NOX4: variants seen among roughly 807,000 people sequenced by gnomAD.
NOX4 encodes kidney oxidase-1.
In NOX4, 69 loss-of-function variants were observed where a neutral mutation model predicts 87.6. The observed-to-expected ratio is 0.79, with a 90% CI of 0.65 to 0.96. The LOEUF (loss-of-function observed/expected upper bound fraction) is 0.96, where lower values mean the gene tolerates loss of function less well. Among genes scored for constraint, NOX4 ranks in the 40% least tolerant of loss-of-function variants. NOX4 has a pLI of 0.00. For synonymous variants in NOX4, 275 were observed against 238.2 expected (o/e 1.15, Z -1.42); for missense variants, 680 against 681.5 (o/e 1.00, Z 0.02).
At chr11:89,364,873 G>A (rs527809985) in intron 12 of NOX4, among the ~76,000 whole-genome samples, 2 of 152,116 alleles carry the variant, frequency 1.3e-5, no homozygotes, top group African/African-American at 4.8e-5. Flanking sequence ...TGTAGACAAG[G>A]AAACTAAAAA....
chr11:89,477,080 A>T (rs1015928798), intron 2 of NOX4, among the ~76,000 whole-genome samples: 8 of 152,116 alleles, frequency 5.3e-5, no homozygotes, highest in African/African-American at 1.9e-4. Flanking sequence ...TGGTTTTGGG[A>T]TGATTCAACT....
At chr11:89,528,386 T>C in the NOX4 span, among the ~76,000 whole-genome samples, 3 of 152,294 alleles carry the variant, frequency 2.0e-5, no homozygotes, top group Non-Finnish European at 1.5e-5. Flanking sequence ...GGTTCTGAAA[T>C]GTGAAATGAA....
the NOX4 span, among the ~76,000 whole-genome samples, chr11:89,530,752 G>T: frequency 6.6e-6 from 1 of 151,988 alleles, no homozygotes; most frequent in Admixed American, 6.6e-5. Flanking sequence ...ATTGATCTAG[G>T]GGTAGGTTCC....
chr11:89,449,151 C>T (rs16913263), intron 4 of NOX4, among the ~76,000 whole-genome samples: 3,365 of 152,182 alleles, frequency 0.022, 131 homozygotes, highest in African/African-American at 0.077. Flanking sequence ...TAAGAAAATC[C>T]TAAGTTGCTG....
chr11:89,471,048 G>A (rs1308406011), intron 2 of NOX4, among the ~76,000 whole-genome samples: 1 of 152,056 alleles, frequency 6.6e-6, no homozygotes, highest in Non-Finnish European at 1.5e-5. Flanking sequence ...CTCTGTAAGG[G>A]CTTGCTAGGG....
intron 8 of NOX4, among the ~76,000 whole-genome samples, chr11:89,406,991 G>T (rs759933969): frequency 6.6e-6 from 1 of 151,984 alleles, no homozygotes; most frequent in Non-Finnish European, 1.5e-5. Flanking sequence ...ATATGAGGAA[G>T]CCATATGCAC....
At chr11:89,378,898 T>C (rs114410344) in intron 11 of NOX4, among the ~76,000 whole-genome samples, 3,047 of 152,254 alleles carry the variant, frequency 0.02, 91 homozygotes, top group African/African-American at 0.07. Flanking sequence ...TGCAACATCA[T>C]GACAGTAAAC....
the NOX4 span, among the ~76,000 whole-genome samples, chr11:89,517,413 T>C: frequency 6.6e-6 from 1 of 152,068 alleles, no homozygotes. Context: ...ACTTTTTCTA[T>C]GTGCTTCAAA....
intron 7 of NOX4, among the ~76,000 whole-genome samples, chr11:89,427,172 G>C (rs1243921722): frequency 6.6e-6 from 1 of 152,152 alleles, no homozygotes; most frequent in Non-Finnish European, 1.5e-5. Flanking sequence ...CTGACTGTTA[G>C]AAGGAAAACT....
chr11:89,421,842 T>C, intron 8 of NOX4, 60 bp downstream of exon 8: 2 of 996,804 alleles, frequency 2.0e-6, no homozygotes, highest in Non-Finnish European at 3.0e-6. Flanking sequence ...TATAGAGTTT[T>C]CTTTCATTAC....
the NOX4 span, among the ~76,000 whole-genome samples, chr11:89,566,107 A>G: frequency 4.7e-5 from 7 of 149,404 alleles, no homozygotes; most frequent in East Asian, 9.9e-4. Flanking sequence ...TAGTGGTGCA[A>G]TCTCGGCTCA....
At chr11:89,370,748 A>G (rs1939376201) in intron 12 of NOX4, among the ~76,000 whole-genome samples, 1 of 152,034 alleles carries the variant, frequency 6.6e-6, no homozygotes, top group Non-Finnish European at 1.5e-5. Flanking sequence ...CCACGTATCT[A>G]GGAGATGCAA....
At chr11:89,494,320 C>G (rs1043872593), upstream of NOX4, among the ~76,000 whole-genome samples, 8 of 152,096 alleles carry the variant, frequency 5.3e-5, no homozygotes, top group African/African-American at 1.9e-4. Context: ...CTGTTCTTAA[C>G]CTATTATATA....
chr11:89,434,044 CA>C (rs1943956998), intron 6 of NOX4, among the ~76,000 whole-genome samples: 1 of 152,126 alleles, frequency 6.6e-6, no homozygotes, highest in Non-Finnish European at 1.5e-5. Context: ...GCTATTGGGA[CA>C]ATTCCATCTG....
chr11:89,424,430 T>A (rs1293988225), intron 7 of NOX4, among the ~76,000 whole-genome samples: 1 of 151,320 alleles, frequency 6.6e-6, no homozygotes, highest in Admixed American at 6.6e-5. Context: ...TGGTATTTTA[T>A]TGTTGCACTT....
At chr11:89,454,749 G>A (rs1319180614) in intron 2 of NOX4, among the ~76,000 whole-genome samples, 2 of 152,064 alleles carry the variant, frequency 1.3e-5, no homozygotes, top group Non-Finnish European at 2.9e-5. Context: ...ACAACTAACA[G>A]GTTTACCATC....
At chr11:89,447,692 C>T (rs1289654382) in intron 4 of NOX4, among the ~76,000 whole-genome samples, 2 of 152,192 alleles carry the variant, frequency 1.3e-5, no homozygotes, top group African/African-American at 2.4e-5. Flanking sequence ...AACCAGAATA[C>T]TTGGACATGA....
chr11:89,500,249 A>C (rs1276216359), upstream of NOX4, among the ~76,000 whole-genome samples: 3 of 152,108 alleles, frequency 2.0e-5, no homozygotes, highest in Non-Finnish European at 4.4e-5. Context: ...CATTTCTGTC[A>C]GTTCTGTCAA....
At chr11:89,581,538 A>G in the NOX4 span, among the ~76,000 whole-genome samples, 1 of 152,148 alleles carries the variant, frequency 6.6e-6, no homozygotes, top group Admixed American at 6.6e-5. Flanking sequence ...AAATACTCGA[A>G]TCTGAGTCAA....
Sources: allele counts gnomAD v4.1 joint callset (sites outside exome capture counted in the v4.1 genomes callset), GRCh38; gene constraint gnomAD v4.1.1; transcripts MANE v1.5; gene names NCBI Gene and HGNC (gene_info 2026-07-23, HGNC 2026-07-21).